The following SLC6A4 variants were observed in gnomAD, a reference collection of about 807,000 sequenced individuals.
SLC6A4 encodes the protein solute carrier family 6 member 4.
A neutral mutation model predicts 73.4 loss-of-function variants in SLC6A4; 22 were observed. The observed-to-expected ratio is 0.30, with a 90% CI of 0.21 to 0.43. The LOEUF is 0.43. SLC6A4 is among the 20% of genes least tolerant of loss of function. SLC6A4 has a pLI of 1.00. For synonymous variants in SLC6A4, 270 were observed against 315.5 expected (o/e 0.86, Z 1.53); for missense variants, 593 against 808.5 (o/e 0.73, Z 3.23).
chr17:30,214,256 C>T (rs1380279994), intron 8 of SLC6A4, among the ~76,000 whole-genome samples: 1 of 151,662 alleles, frequency 6.6e-6, no homozygotes. Flanking sequence ...AACCCCATCT[C>T]TACTAAAAAT....
In SLC6A4 at chr17:30,222,788, C is replaced by T. The variant is rs55805341; in HGVS notation, c.-124+31G>A. ...CGTTCCCATTATGCATTTGCAAGCC[C>T]GACTGGTCCTTAAACGGCACTGCTG... is the stretch of plus-strand genomic sequence containing the variant. On this transcript the variant is annotated intron_variant, in intron 2 of 14. Transcript: ENST00000650711. 6 of 1,304,256 alleles carry T rather than the reference C, an allele frequency of 4.6e-6. No homozygotes were observed. In the East Asian group the frequency reaches 1.7e-4, roughly 36 times the overall value. 80.8% of individuals were successfully genotyped at this position (1,304,256 alleles called of 1,614,324 possible). A position where few individuals can be genotyped will look rare whatever the true frequency, so the allele number is the denominator to read the frequency against.
In SLC6A4 at chr17:30,216,192, G is replaced by A; in HGVS notation, c.862C>T (p.Pro288Ser). The change falls in exon 7 of 15, where the codon CCT becomes TCT. Residue 288 changes from proline (P) to serine (S), a missense_variant. Coordinates refer to ENST00000650711, the MANE Select transcript of SLC6A4 (RefSeq NM_001045.6). ...AGCAGGACAGAAAGGATGATATAAG[G>A]GAAGGTGGCTGTCACCCACACCACC... Reference protein sequence around the residue: ...GKVVWVTATFPYIILSVLLVR... With the variant: ...GKVVWVTATFSYIILSVLLVR... 1 of 1,611,180 alleles carries A rather than the reference G, an allele frequency of 6.2e-7. No individual in the cohort carries two copies. Among genetic ancestry groups the A allele is most frequent in the Non-Finnish European group, 8.5e-7 (1 of 1,178,552 alleles).
At chr17:30,210,478 G>A (rs939146495) in intron 11 of SLC6A4, 37 bp downstream of exon 11, 1 of 1,602,558 alleles carries the variant, frequency 6.2e-7, no homozygotes, top group East Asian at 2.2e-5. Flanking sequence ...GCTGCCCTAG[G>A]GGAGGCCAAC....
intron 3 of SLC6A4, among the ~76,000 whole-genome samples, chr17:30,221,196 T>G (rs1906737344): frequency 6.6e-6 from 1 of 151,850 alleles, no homozygotes; most frequent in African/African-American, 2.4e-5. Flanking sequence ...AGGCTGGTCT[T>G]GAACTCCTGA....
rs1906782298 is a variant in SLC6A4, at chr17:30,222,076, T to C, written c.-118A>G. On this transcript the variant is annotated 5_prime_UTR_variant, in exon 3 of 15. Coordinates refer to ENST00000650711, the MANE Select transcript of SLC6A4 (RefSeq NM_001045.6). ...TATCGTCGGGATTGACACGTCGGGA[T>C]TGACTCTGTTGGAAAGACACACAGA... The C allele has an allele frequency of 6.4e-7, 1 of 1,562,956 alleles. No homozygotes were observed.
At chr17:30,212,624 T>C in intron 9 of SLC6A4, 116 bp downstream of exon 9, 1 of 1,278,036 alleles carries the variant, frequency 7.8e-7, no homozygotes, top group Admixed American at 1.9e-5. Flanking sequence ...ATGCCCAGCC[T>C]TCTTTGGAAA....
rs778201999 is a variant in SLC6A4, at chr17:30,211,948, C to G, written c.1205-524G>C. Among the ~76,000 whole-genome samples the G allele has an allele frequency of 1.3e-5, 2 of 152,044 alleles. No homozygotes were observed. The highest frequency in any genetic ancestry group is 2.9e-5 in the Non-Finnish European group (2 of 67,974). ...ATGTCTTCAGCCTCTCATGGGTTAG[C>G]TAGGGGTGCCCTCGTTTGGGGTATG... On this transcript the variant is annotated intron_variant, in intron 9 of 14. Coordinates refer to ENST00000650711, the MANE Select transcript of SLC6A4 (RefSeq NM_001045.6). This position sits in a 1 kb window ranked among gnomAD's most constrained non-coding sequence, Gnocchi z 4.0.
intron 14 of SLC6A4, 30 bp downstream of exon 14, chr17:30,203,142 A>G (rs1464303922): frequency 6.4e-7 from 1 of 1,551,454 alleles, no homozygotes. Context: ...TAGTCTGAAC[A>G]CACACATATA....
chr17:30,230,315 T>C (rs1463807202), intron 1 of SLC6A4, among the ~76,000 whole-genome samples: 5 of 152,210 alleles, frequency 3.3e-5, no homozygotes, highest in Admixed American at 6.5e-5. Context: ...TCAAAACAGA[T>C]GATGTGTTAG....
chr17:30,211,192 A>G lies in SLC6A4; in HGVS notation c.1317+120T>C, dbSNP rs569644396. On this transcript the variant is annotated intron_variant, in intron 10 of 14. Coordinates refer to ENST00000650711, the MANE Select transcript of SLC6A4 (RefSeq NM_001045.6). This position sits in a 1 kb window ranked among gnomAD's most constrained non-coding sequence, Gnocchi z 4.0. The stretch of plus-strand genomic sequence containing the variant: ...GAGTCAGCCGGGGGTCTGGAGCACC[A>G]GAAGGGAGTAGCCAAAGCTGCCTGG... The G allele has an allele frequency of 1.5e-6, 1 of 664,236 alleles. No individual in the cohort carries two copies. Among genetic ancestry groups the G allele is most frequent in the African/African-American group, 1.8e-5 (1 of 56,362 alleles). The allele number at this position is 664,236 out of a possible 1,614,324, so 41.1% of individuals were successfully genotyped here. A position where few individuals can be genotyped will look rare whatever the true frequency, so the allele number is the denominator to read the frequency against.
In SLC6A4 at chr17:30,211,514, C is replaced by T. The variant is rs140701; in HGVS notation, c.1205-90G>A. Reference sequence around the variant, plus strand: ...GAAAACTCAGCCACAACAACAGTTACAATTCTCATCACAAGACCTTATGTG... The same window carrying T: ...GAAAACTCAGCCACAACAACAGTTATAATTCTCATCACAAGACCTTATGTG... On this transcript the variant is annotated intron_variant, in intron 9 of 14. Transcript: ENST00000650711. The surrounding 1 kb of genome is among the most constrained non-coding windows in gnomAD (Gnocchi z 4.0). The T allele has an allele frequency of 0.45, 352,371 of 789,518 alleles. 83,061 individuals carry two copies. Among genetic ancestry groups the T allele is most frequent in the East Asian group, 0.81 (32,672 of 40,496 alleles). The allele number at this position is 789,518 out of a possible 1,614,324, so 48.9% of individuals were successfully genotyped here. A position where few individuals can be genotyped will look rare whatever the true frequency, so the allele number is the denominator to read the frequency against.
intron 1 of SLC6A4, among the ~76,000 whole-genome samples, chr17:30,223,730 C>T (rs761747410): frequency 9.5e-4 from 145 of 152,134 alleles, no homozygotes; most frequent in Non-Finnish European, 1.7e-3. Context: ...GTTGGGCCCT[C>T]CGCCACCCAC....
In SLC6A4 at chr17:30,211,247, C is replaced by T. The variant is rs2143014301; in HGVS notation, c.1317+65G>A. On this transcript the variant is annotated intron_variant, in intron 10 of 14. Coordinates refer to ENST00000650711, the MANE Select transcript of SLC6A4 (RefSeq NM_001045.6). This position sits in a 1 kb window ranked among gnomAD's most constrained non-coding sequence, Gnocchi z 4.0. Reference sequence around the variant, plus strand: ...GCCAGGGATGGGAGGGAATTGAGTCCAGCTGAGTCCTCCTCCTTTCCTCTT... The same window carrying T: ...GCCAGGGATGGGAGGGAATTGAGTCTAGCTGAGTCCTCCTCCTTTCCTCTT... 1 of 1,085,930 alleles carries T rather than the reference C, an allele frequency of 9.2e-7. No homozygotes were observed. Among genetic ancestry groups the T allele is most frequent in the Non-Finnish European group, 1.4e-6 (1 of 716,270 alleles). 67.3% of individuals were successfully genotyped at this position (1,085,930 alleles called of 1,614,324 possible).
chr17:30,210,809 T>G (rs1176008043), intron 10 of SLC6A4, among the ~76,000 whole-genome samples, 163 bp from the exon 11 acceptor site: 1 of 152,176 alleles, frequency 6.6e-6, no homozygotes, highest in Non-Finnish European at 1.5e-5. Flanking sequence ...AAAGAGTATT[T>G]CCCTGTTTTA....
At chr17:30,205,354 C>T (rs1247976630) in intron 13 of SLC6A4, among the ~76,000 whole-genome samples, 1 of 152,144 alleles carries the variant, frequency 6.6e-6, no homozygotes, top group Non-Finnish European at 1.5e-5. Flanking sequence ...AACAAACAAA[C>T]ATCTTTCTGC....
chr17:30,203,156 A>T lies in SLC6A4; in HGVS notation c.1818+16T>A, dbSNP rs775018817. On this transcript the variant is annotated intron_variant, in intron 14 of 14. Coordinates refer to ENST00000650711, the MANE Select transcript of SLC6A4 (RefSeq NM_001045.6). ...GTAGTCTGAACACACACATATACAC[A>T]CTAACTAGCACGTACCTCTTTAAAT... The T allele has an allele frequency of 6.3e-7, 1 of 1,598,886 alleles. No homozygotes were observed. Among genetic ancestry groups the T allele is most frequent in the Non-Finnish European group, 8.6e-7 (1 of 1,166,756 alleles).
chr17:30,203,402 TC>T, intron 13 of SLC6A4, 63 bp from the exon 14 acceptor site: 1 of 1,356,328 alleles, frequency 7.4e-7, no homozygotes, highest in Non-Finnish European at 1.0e-6. Context: ...TAGAGATGTT[TC>T]CGATACCACA....
Position 30,211,940 on chromosome 17 carries a change from TG to T in SLC6A4, c.1205-517del, listed in dbSNP as rs1170227101. 6.6e-6 allele frequency among the ~76,000 whole-genome samples: 1 copy of T among 152,102 alleles called. No individual in the cohort carries two copies. Among genetic ancestry groups the T allele is most frequent in the Non-Finnish European group, 1.5e-5 (1 of 68,002 alleles). On this transcript the variant is annotated intron_variant, in intron 9 of 14. Coordinates refer to ENST00000650711, the MANE Select transcript of SLC6A4 (RefSeq NM_001045.6). The surrounding 1 kb of genome is among the most constrained non-coding windows in gnomAD (Gnocchi z 4.0). ...TGAGGGACATGTCTTCAGCCTCTCA[TG>T]GGTTAGCTAGGGGTGCCCTCGTTTG...
intron 1 of SLC6A4, among the ~76,000 whole-genome samples, chr17:30,227,735 G>C (rs762245215): frequency 9.2e-5 from 14 of 152,136 alleles, no homozygotes; most frequent in Non-Finnish European, 1.3e-4. Context: ...CAATCCTCCC[G>C]CCTTGGCCTC....
Sources: allele counts gnomAD v4.1 joint callset (sites outside exome capture counted in the v4.1 genomes callset), GRCh38; gene constraint gnomAD v4.1.1; non-coding constraint Gnocchi (gnomAD v3.1); transcripts MANE v1.5; gene names NCBI Gene and HGNC (gene_info 2026-07-23, HGNC 2026-07-21).